MALRD1: variants seen among roughly 807,000 people sequenced by gnomAD.
The protein encoded by MALRD1 is MAM and LDL receptor class A domain containing 1.
MALRD1 carries 247 observed loss-of-function variants against 242.1 expected under a neutral mutation model. The ratio of observed to expected loss-of-function variants is 1.02; its 90% CI spans 0.92 to 1.13. The LOEUF (loss-of-function observed/expected upper bound fraction) is 1.13. Ranked by LOEUF, MALRD1 falls within the 50% of genes most tolerant of loss-of-function variation. The probability of loss-of-function intolerance (pLI) is 0.00; values close to 1 mark genes in which losing one functional copy is unlikely to be tolerated. For missense variants in MALRD1, 2,989 were observed against 2,533.1 expected, an observed-to-expected ratio of 1.18 and a Z score of -3.86; for synonymous variants, 995 against 866.6, an observed-to-expected ratio of 1.15 and a Z score of -2.60.
chr10:19,570,874 G>T (rs563523715), intron 33 of MALRD1, among the ~76,000 whole-genome samples: 27 of 151,970 alleles, frequency 1.8e-4, no homozygotes, highest in African/African-American at 6.3e-4. Context: ...AAACTGTGTT[G>T]TTTGTAATTG....
At chr10:19,317,566 A>T (rs1017672072) in intron 21 of MALRD1, among the ~76,000 whole-genome samples, 3 of 152,044 alleles carry the variant, frequency 2.0e-5, no homozygotes, top group Non-Finnish European at 4.4e-5. Context: ...TAGCACAGTG[A>T]ATCAAAGGAC....
At chr10:19,512,558 A>G (rs1833452223) in intron 31 of MALRD1, among the ~76,000 whole-genome samples, 1 of 152,214 alleles carries the variant, frequency 6.6e-6, no homozygotes, top group African/African-American at 2.4e-5. Flanking sequence ...AAAAACATTT[A>G]TAATAACCTC....
chr10:19,588,099 A>G (rs1333829800), intron 33 of MALRD1, among the ~76,000 whole-genome samples: 1 of 152,134 alleles, frequency 6.6e-6, no homozygotes, highest in African/African-American at 2.4e-5. Flanking sequence ...TATGAAATGA[A>G]TGACAGAGTT....
intron 5 of MALRD1, among the ~76,000 whole-genome samples, chr10:19,121,699 A>T (rs896883775): frequency 1.3e-5 from 2 of 152,196 alleles, no homozygotes; most frequent in African/African-American, 4.8e-5. Flanking sequence ...GACGTCATCC[A>T]GAGAAGGGCA....
At chr10:19,256,873 C>T (rs1414173529) in intron 18 of MALRD1, among the ~76,000 whole-genome samples, 2 of 152,030 alleles carry the variant, frequency 1.3e-5, no homozygotes, top group African/African-American at 2.4e-5. Flanking sequence ...AATGGGAAAA[C>T]ATAATGTATT....
chr10:19,645,996 G>A (rs1370605912), intron 36 of MALRD1, among the ~76,000 whole-genome samples: 1 of 152,018 alleles, frequency 6.6e-6, no homozygotes, highest in Non-Finnish European at 1.5e-5. Flanking sequence ...CTTTGTTTTT[G>A]TTCTTGTGAA....
intron 19 of MALRD1, among the ~76,000 whole-genome samples, chr10:19,272,818 G>T (rs953189155): frequency 1.3e-5 from 2 of 152,126 alleles, no homozygotes; most frequent in African/African-American, 4.8e-5. Context: ...TGCTGAGAAT[G>T]ATGGTTTCCA....
intron 36 of MALRD1, among the ~76,000 whole-genome samples, chr10:19,635,302 C>T (rs1393585708): frequency 1.3e-5 from 2 of 152,010 alleles, no homozygotes; most frequent in East Asian, 1.9e-4. Flanking sequence ...AAAATATGCT[C>T]CTGATAAAAT....
chr10:19,688,035 T>C (rs1375027990), intron 36 of MALRD1, among the ~76,000 whole-genome samples: 3 of 152,084 alleles, frequency 2.0e-5, no homozygotes, highest in Admixed American at 1.3e-4. Flanking sequence ...AGTGGAGTGA[T>C]CTCGAGTCAC....
In MALRD1 at chr10:19,595,335, G is replaced by A. The variant is rs10827628; in HGVS notation, c.5822G>A (p.Ser1941Asn). The change falls in exon 34 of 40, where the codon AGC (serine) becomes AAC (asparagine). Residue 1941 changes from serine to asparagine, a missense_variant. Physicochemically the swap from Ser to Asn is conservative, Grantham distance 46. Transcript: ENST00000454679. ...TCTGATGAAATGGATTGTCCTCTCA[G>A]CCCCACCCCTCCACTCTGTAGTAAC... Reference protein sequence around the residue: ...DGSDEMDCPLSPTPPLCSNME... With the variant: ...DGSDEMDCPLNPTPPLCSNME... 797,917 of 1,550,002 alleles carry A rather than the reference G, an allele frequency of 0.51. 207,126 individuals are homozygous for A. The highest frequency in any genetic ancestry group is 0.53 in the Non-Finnish European group (611,442 of 1,146,646).
At chr10:19,175,898 A>G (rs1356076428) in intron 14 of MALRD1, among the ~76,000 whole-genome samples, 1 of 152,142 alleles carries the variant, frequency 6.6e-6, no homozygotes, top group African/African-American at 2.4e-5. Flanking sequence ...CAGGCCAGAA[A>G]TGTTGCCATA....
chr10:19,121,139 G>A (rs1337642394), intron 5 of MALRD1, among the ~76,000 whole-genome samples: 4 of 148,452 alleles, frequency 2.7e-5, no homozygotes, highest in Non-Finnish European at 5.9e-5. Flanking sequence ...CGCCTCCTGG[G>A]TTCAAGCAAT....
chr10:19,335,911 C>T (rs1049763922), intron 24 of MALRD1, among the ~76,000 whole-genome samples: 6 of 151,924 alleles, frequency 3.9e-5, no homozygotes, highest in African/African-American at 1.5e-4. Flanking sequence ...CCCATCAACC[C>T]GTCATCTACA....
chr10:19,532,832 A>G (rs1834484739), intron 32 of MALRD1, among the ~76,000 whole-genome samples: 1 of 152,196 alleles, frequency 6.6e-6, no homozygotes, highest in African/African-American at 2.4e-5. Context: ...ATAAATGCAA[A>G]AGCATGTAAA....
intron 1 of MALRD1, among the ~76,000 whole-genome samples, chr10:19,060,359 T>C (rs1834787384): frequency 1.3e-5 from 2 of 152,222 alleles, no homozygotes; most frequent in African/African-American, 4.8e-5. Context: ...TCCCTGATGC[T>C]GGCCTAGAAG....
chr10:19,143,439 C>T (rs533654848), intron 10 of MALRD1, among the ~76,000 whole-genome samples: 1 of 152,274 alleles, frequency 6.6e-6, no homozygotes, highest in African/African-American at 2.4e-5. Context: ...GAATGAAGAA[C>T]ATTGCTGTTT....
chr10:19,069,628 C>A (rs559354261), intron 2 of MALRD1, among the ~76,000 whole-genome samples: 1 of 151,544 alleles, frequency 6.6e-6, no homozygotes, highest in Non-Finnish European at 1.5e-5. Flanking sequence ...TTTTATTTTG[C>A]CTTCATTCTT....
chr10:19,464,852 G>A (rs907901799), intron 29 of MALRD1, among the ~76,000 whole-genome samples: 6 of 151,612 alleles, frequency 4.0e-5, no homozygotes, highest in African/African-American at 1.5e-4. Context: ...CATGGGACGT[G>A]TTTCCATTTG....
At chr10:19,490,550 C>G (rs192646784) in intron 29 of MALRD1, among the ~76,000 whole-genome samples, 1 of 50,774 alleles carries the variant, frequency 2.0e-5, no homozygotes, top group African/African-American at 7.1e-5. Context: ...AGTGGGGGTA[C>G]GGTGAAGGGA....
Sources: allele counts gnomAD v4.1 joint callset (sites outside exome capture counted in the v4.1 genomes callset), GRCh38; gene constraint gnomAD v4.1.1; transcripts MANE v1.5; gene names NCBI Gene and HGNC (gene_info 2026-07-23, HGNC 2026-07-21).